The following FOXN3 variants were observed in gnomAD, a reference collection of about 807,000 sequenced individuals.
The protein encoded by FOXN3 is forkhead box protein N3.
FOXN3 carries 7 observed loss-of-function variants against 38.4 expected under a neutral mutation model. The ratio of observed to expected loss-of-function variants is 0.18; its 90% confidence interval spans 0.10 to 0.34. FOXN3 has a LOEUF of 0.34. Among genes scored for constraint, FOXN3 ranks in the 10% least tolerant of loss-of-function variants. The probability of loss-of-function intolerance (pLI) is 1.00; values close to 1 mark genes in which losing one functional copy is unlikely to be tolerated. For synonymous variants in FOXN3, 230 were observed against 242.2 expected, an observed-to-expected ratio of 0.95 and a Z score of 0.47; for missense variants, 456 against 613.4, an observed-to-expected ratio of 0.74 and a Z score of 2.71.
intron 4 of FOXN3, among the ~76,000 whole-genome samples, chr14:89,203,197 G>A (rs1471817955): frequency 1.3e-5 from 2 of 152,046 alleles, no homozygotes; most frequent in Non-Finnish European, 2.9e-5. Flanking sequence ...GGTACTCCAG[G>A]GGGCTGAAAC....
At chr14:89,237,348 G>T (rs963039933) in intron 4 of FOXN3, among the ~76,000 whole-genome samples, 38 of 152,168 alleles carry the variant, frequency 2.5e-4, no homozygotes, top group Non-Finnish European at 4.9e-4. Context: ...TGCTGGCAAG[G>T]ATGCAGAGAA....
intron 1 of FOXN3, among the ~76,000 whole-genome samples, chr14:89,490,309 C>T (rs1379792589): frequency 2.0e-5 from 3 of 152,162 alleles, no homozygotes; most frequent in African/African-American, 7.2e-5. Context: ...ATGATATCAG[C>T]GTTTAGCAAA....
intron 2 of FOXN3, among the ~76,000 whole-genome samples, chr14:89,375,872 C>CG (rs1238574592): frequency 1.3e-5 from 2 of 152,138 alleles, no homozygotes; most frequent in African/African-American, 4.8e-5. Flanking sequence ...CCCCAGCCCC[C>CG]CAGATTCAAG....
chr14:89,549,119 A>G lies in FOXN3; in HGVS notation c.-15+69909T>C, dbSNP rs1299352323. On this transcript the variant is annotated intron_variant, in intron 1 of 6. Transcript: ENST00000345097. ...TGGCGACAGAGTGAGACTCCATCTAAAAAAAAAAAAAAGAATTTTATAATG... is the reference window on the plus strand; with the variant it reads ...TGGCGACAGAGTGAGACTCCATCTAGAAAAAAAAAAAAGAATTTTATAATG... Among the ~76,000 whole-genome samples, 8 of 145,984 alleles carry G rather than the reference A, an allele frequency of 5.5e-5. No individual in the cohort carries two copies. The East Asian group carries it at 1.6e-3, about 29-fold the overall frequency.
At chr14:89,355,438 T>A (rs1353121930) in intron 2 of FOXN3, among the ~76,000 whole-genome samples, 1 of 151,904 alleles carries the variant, frequency 6.6e-6, no homozygotes, top group Non-Finnish European at 1.5e-5. Flanking sequence ...GGTTTCGCCA[T>A]ATTGGCCAGG....
At chr14:89,186,614 T>C (rs972212549) in intron 4 of FOXN3, among the ~76,000 whole-genome samples, 2 of 152,170 alleles carry the variant, frequency 1.3e-5, no homozygotes, top group Non-Finnish European at 2.9e-5. Context: ...GAGCCAGCCA[T>C]GTCCCATGCT....
intron 2 of FOXN3, among the ~76,000 whole-genome samples, chr14:89,387,524 TTC>T (rs1890826227): frequency 1.3e-5 from 2 of 152,212 alleles, no homozygotes; most frequent in Admixed American, 6.5e-5. Flanking sequence ...AAAACAAAGA[TTC>T]AGCCCTAGGT....
intron 1 of FOXN3, among the ~76,000 whole-genome samples, chr14:89,591,984 A>C (rs1377773364): frequency 6.6e-6 from 1 of 152,194 alleles, no homozygotes; most frequent in Non-Finnish European, 1.5e-5. Context: ...GAGATAACAC[A>C]GGAAACAGAA....
chr14:89,336,209 A>G (rs1888452996), intron 3 of FOXN3, among the ~76,000 whole-genome samples: 1 of 24,752 alleles, frequency 4.0e-5, no homozygotes, highest in Non-Finnish European at 1.1e-4. Flanking sequence ...CATTCTCCTA[A>G]CGGTGCCTCC....
intron 2 of FOXN3, among the ~76,000 whole-genome samples, chr14:89,400,775 C>T (rs573182080): frequency 4.6e-5 from 7 of 152,314 alleles, no homozygotes; most frequent in Non-Finnish European, 7.4e-5. Flanking sequence ...AGCTGCATCC[C>T]TCTTGCCATT....
chr14:89,446,466 G>T (rs1018620426), intron 1 of FOXN3, among the ~76,000 whole-genome samples: 115 of 152,164 alleles, frequency 7.6e-4, no homozygotes, highest in African/African-American at 2.8e-3. Context: ...TGAGATTACA[G>T]GCATGAGCCA....
chr14:89,602,361 TAAA>T (rs1248152317), intron 1 of FOXN3, among the ~76,000 whole-genome samples: 1 of 151,690 alleles, frequency 6.6e-6, no homozygotes, highest in Non-Finnish European at 1.5e-5. Flanking sequence ...AGGCAGACCA[TAAA>T]TATGGTCTGC....
intron 3 of FOXN3, among the ~76,000 whole-genome samples, chr14:89,326,194 C>A (rs1174514099): frequency 6.6e-6 from 1 of 152,194 alleles, no homozygotes; most frequent in African/African-American, 2.4e-5. Context: ...CCAGAGCACA[C>A]ACCTTCTTTT....
At chr14:89,169,458 T>C (rs1286276657) in intron 5 of FOXN3, among the ~76,000 whole-genome samples, 1 of 151,176 alleles carries the variant, frequency 6.6e-6, no homozygotes, top group Non-Finnish European at 1.5e-5. Context: ...GAAAAGAAAA[T>C]GTGGCCAAGT....
chr14:89,553,450 G>GAAA (rs57720898), intron 1 of FOXN3, among the ~76,000 whole-genome samples: 9 of 121,806 alleles, frequency 7.4e-5, no homozygotes, highest in Middle Eastern at 3.7e-3. Flanking sequence ...ACATGAAAGT[G>GAAA]AAAAAAAAAA....
At chr14:89,224,291 C>G (rs1884562144) in intron 4 of FOXN3, among the ~76,000 whole-genome samples, 1 of 152,110 alleles carries the variant, frequency 6.6e-6, no homozygotes, top group African/African-American at 2.4e-5. Context: ...GTTTAATTAA[C>G]TAAGTTTGCA....
intron 1 of FOXN3, among the ~76,000 whole-genome samples, chr14:89,533,851 G>C (rs1261377362): frequency 6.6e-6 from 1 of 152,004 alleles, no homozygotes; most frequent in Non-Finnish European, 1.5e-5. Flanking sequence ...TGGGGTTCTG[G>C]TGATCTGACC....
At position 89,360,740 on chromosome 14, in the gene FOXN3, C is replaced by T. The variant is rs1454903485; in HGVS notation, c.544-9932G>A. 5.9e-4 allele frequency among the ~76,000 whole-genome samples: 71 copies of T among 119,596 alleles called. 1 individual carries two copies. The highest frequency in any genetic ancestry group is 2.3e-3 in the East Asian group (8 of 3,468). 78.5% of individuals were successfully genotyped at this position (119,596 alleles called of 152,430 possible). A position where few individuals can be genotyped will look rare whatever the true frequency, so the allele number is the denominator to read the frequency against. On this transcript the variant is annotated intron_variant, in intron 2 of 5. Coordinates refer to ENST00000557258, the MANE Select transcript of FOXN3 (RefSeq NM_005197.4). ...CTACCTCCACCACCACCACCTCCAG[C>T]ACCACCTCCACCACCACCTCCACCA... is the stretch of plus-strand genomic sequence containing the variant.
chr14:89,357,169 A>G (rs906633415), intron 2 of FOXN3, among the ~76,000 whole-genome samples: 36 of 152,222 alleles, frequency 2.4e-4, no homozygotes, highest in African/African-American at 8.4e-4. Context: ...TGGGCAATAC[A>G]GTGAGACCCC....
Sources: allele counts gnomAD v4.1 joint callset (sites outside exome capture counted in the v4.1 genomes callset), GRCh38; gene constraint gnomAD v4.1.1; transcripts MANE v1.5; gene names NCBI Gene and HGNC (gene_info 2026-07-23, HGNC 2026-07-21).